RANBP2: variants seen among roughly 807,000 people sequenced by gnomAD.
The protein encoded by RANBP2 is E3 SUMO-protein ligase RanBP2.
In RANBP2, 57 loss-of-function variants were observed where a neutral mutation model predicts 303.6. The ratio of observed to expected loss-of-function variants is 0.19; its 90% CI spans 0.15 to 0.23. RANBP2 has a LOEUF of 0.23. Among genes scored for constraint, RANBP2 ranks in the 10% least tolerant of loss-of-function variants. The pLI is 1.00. For synonymous variants in RANBP2, 1,167 were observed against 1,301.5 expected, an observed-to-expected ratio of 0.90 and a Z score of 2.23; for missense variants, 3,138 against 3,780.8, an observed-to-expected ratio of 0.83 and a Z score of 4.46.
the RANBP2 span, among the ~76,000 whole-genome samples, chr2:109,258,855 G>T: frequency 6.6e-6 from 1 of 152,220 alleles, no homozygotes; most frequent in African/African-American, 2.4e-5. Context: ...TGATGTCCTT[G>T]GCTGTGCTGG....
the RANBP2 span, among the ~76,000 whole-genome samples, chr2:109,692,077 C>T: frequency 5.9e-5 from 9 of 152,178 alleles, no homozygotes; most frequent in East Asian, 1.9e-4. Flanking sequence ...CCACCATGCC[C>T]GGCCCATGAT....
chr2:109,395,031 C>G, the RANBP2 span, among the ~76,000 whole-genome samples: 1 of 152,246 alleles, frequency 6.6e-6, no homozygotes, highest in East Asian at 1.9e-4. Context: ...GTGCCAAATT[C>G]AGGCCCAGCT....
the RANBP2 span, chr2:109,432,764 C>A: frequency 3.4e-6 from 5 of 1,469,352 alleles, no homozygotes; most frequent in Non-Finnish European, 9.0e-7. Context: ...CTCTGTCAGC[C>A]GGGCCCAGAA....
chr2:109,435,323 A>G, the RANBP2 span, among the ~76,000 whole-genome samples: 2 of 152,182 alleles, frequency 1.3e-5, no homozygotes, highest in African/African-American at 4.8e-5. Flanking sequence ...TGCCCCCAGG[A>G]CTTATACTTT....
chr2:109,354,355 T>C, the RANBP2 span, among the ~76,000 whole-genome samples: 3 of 152,172 alleles, frequency 2.0e-5, no homozygotes, highest in Non-Finnish European at 4.4e-5. Context: ...CAGCTTGTTA[T>C]TGCTTCTAGG....
the RANBP2 span, chr2:108,885,129 A>C: frequency 2.0e-5 from 3 of 152,200 alleles, no homozygotes; most frequent in Non-Finnish European, 2.9e-5. Flanking sequence ...TGAAACTTCC[A>C]GCCTTTCTTC....
chr2:109,635,991 C>T, the RANBP2 span, among the ~76,000 whole-genome samples: 1 of 152,348 alleles, frequency 6.6e-6, no homozygotes, highest in East Asian at 1.9e-4. Flanking sequence ...GATCAGGTCA[C>T]AGTGGAGCCC....
chr2:109,594,789 G>C, the RANBP2 span: 1 of 152,168 alleles, frequency 6.6e-6, no homozygotes, highest in African/African-American at 2.4e-5. Context: ...AGACAAAATA[G>C]TGTACATCGT....
chr2:109,310,848 C>A, the RANBP2 span, among the ~76,000 whole-genome samples: 2 of 86,450 alleles, frequency 2.3e-5, no homozygotes, highest in Non-Finnish European at 4.1e-5. Context: ...TGGCAATAAT[C>A]AATAGTTTAC....
chr2:109,245,238 T>A, the RANBP2 span, among the ~76,000 whole-genome samples: 1 of 152,156 alleles, frequency 6.6e-6, no homozygotes, highest in African/African-American at 2.4e-5. Flanking sequence ...TCTTACTGGC[T>A]GCTCTGAGGT....
chr2:108,809,523 T>G, the RANBP2 span, among the ~76,000 whole-genome samples: 1 of 151,886 alleles, frequency 6.6e-6, no homozygotes, highest in African/African-American at 2.4e-5. Context: ...TTTATAGTTT[T>G]CATCGTGGAA....
At chr2:109,504,830 G>A in the RANBP2 span, among the ~76,000 whole-genome samples, 2 of 152,252 alleles carry the variant, frequency 1.3e-5, no homozygotes, top group African/African-American at 2.4e-5. Flanking sequence ...TGGGAGAGTC[G>A]TGACATCAAA....
In RANBP2 at chr2:108,764,370, A is replaced by G. The variant is rs776378432; in HGVS notation, c.3831A>G (p.Lys1277=). The G allele has an allele frequency of 1.9e-6, 3 of 1,613,968 alleles. No individual in the cohort carries two copies. The highest frequency in any genetic ancestry group is 2.5e-6 in the Non-Finnish European group (3 of 1,179,982). ...HALDYADELP[K]PEQLAIRFKT... ...TTGATTATGCAGATGAGTTGCCAAA[A>G]CCAGAACAACTTGCTATTAGGTTCA... Residue 1277 remains lysine (K), a synonymous_variant, in exon 20 of 29, where the codon AAA becomes AAG. Coordinates refer to ENST00000283195, the MANE Select transcript of RANBP2 (RefSeq NM_006267.5).
At chr2:108,876,229 C>T in the RANBP2 span, 3 of 1,611,892 alleles carry the variant, frequency 1.9e-6, no homozygotes, top group Non-Finnish European at 2.5e-6. Context: ...AATGTAACTC[C>T]CTGGTCTCCA....
At chr2:109,585,676 A>C in the RANBP2 span, 1 of 1,274,480 alleles carries the variant, frequency 7.8e-7, no homozygotes, top group African/African-American at 1.5e-5. Flanking sequence ...AGTGAGCACA[A>C]GGAATATGAA....
chr2:109,449,975 A>C, the RANBP2 span, among the ~76,000 whole-genome samples: 1 of 152,212 alleles, frequency 6.6e-6, no homozygotes, highest in African/African-American at 2.4e-5. Context: ...GAGCAATGAG[A>C]AGGAACAGGA....
chr2:109,062,823 G>T, the RANBP2 span, among the ~76,000 whole-genome samples: 7 of 151,980 alleles, frequency 4.6e-5, no homozygotes, highest in Admixed American at 4.6e-4. Flanking sequence ...GGGATGGTGA[G>T]GGGGTGGAGG....
chr2:109,191,726 C>G, the RANBP2 span, among the ~76,000 whole-genome samples: 2 of 152,082 alleles, frequency 1.3e-5, no homozygotes, highest in Non-Finnish European at 2.9e-5. Context: ...GGTGCTGATG[C>G]GAGGGGAAGC....
the RANBP2 span, chr2:109,614,149 GAGGAATGCAGGC>G: frequency 1.7e-6 from 2 of 1,198,036 alleles, no homozygotes; most frequent in South Asian, 4.3e-5. Context: ...AAGACGGCGC[GAGGAATGCAGGC>G]GGGAACTGCG....
Sources: allele counts gnomAD v4.1 joint callset (sites outside exome capture counted in the v4.1 genomes callset), GRCh38; gene constraint gnomAD v4.1.1; transcripts MANE v1.5; gene names NCBI Gene and HGNC (gene_info 2026-07-23, HGNC 2026-07-21).